Variants in MACROD2 observed in about 807,000 individuals in gnomAD.
The protein encoded by MACROD2 is ADP-ribose glycohydrolase MACROD2.
A neutral mutation model predicts 70.4 loss-of-function variants in MACROD2; 36 were observed. That is an observed-to-expected ratio of 0.51 (90% CI 0.39 to 0.68). The LOEUF is 0.68. Among genes scored for constraint, MACROD2 ranks in the 30% least tolerant of loss-of-function variants. The pLI is 0.00. For synonymous variants in MACROD2, 172 were observed against 178.8 expected (o/e 0.96, Z 0.30); for missense variants, 496 against 538.4 (o/e 0.92, Z 0.78).
intron 8 of MACROD2, among the ~76,000 whole-genome samples, chr20:15,527,280 T>G (rs2047734838): frequency 6.6e-6 from 1 of 152,218 alleles, no homozygotes; most frequent in Non-Finnish European, 1.5e-5. Context: ...TACTCATTTT[T>G]TCTACAATAA....
chr20:15,342,696 A>G (rs2078123449), intron 6 of MACROD2, among the ~76,000 whole-genome samples: 2 of 152,208 alleles, frequency 1.3e-5, no homozygotes, highest in Admixed American at 6.5e-5. Context: ...ACTGTAATAT[A>G]GTAAAAATGT....
At chr20:15,652,726 C>T (rs2049664193) in intron 8 of MACROD2, among the ~76,000 whole-genome samples, 1 of 146,512 alleles carries the variant, frequency 6.8e-6, no homozygotes, top group East Asian at 2.0e-4. Context: ...TTTCCTAGCT[C>T]TTTTTTTTTT....
intron 8 of MACROD2, among the ~76,000 whole-genome samples, chr20:15,580,169 A>G (rs1009616604): frequency 6.6e-6 from 1 of 152,216 alleles, no homozygotes; most frequent in Non-Finnish European, 1.5e-5. Flanking sequence ...AATCTTGAAA[A>G]TAGATAAAGT....
intron 10 of MACROD2, chr20:15,893,059 C>G (rs1037489125): frequency 1.3e-5 from 5 of 398,772 alleles, no homozygotes; most frequent in Non-Finnish European, 2.2e-5. Flanking sequence ...TGAAAAGAAA[C>G]ATATTTAATT....
At chr20:14,297,902 G>A (rs2082440590) in intron 3 of MACROD2, among the ~76,000 whole-genome samples, 1 of 151,882 alleles carries the variant, frequency 6.6e-6, no homozygotes, top group Non-Finnish European at 1.5e-5. Context: ...TGACTTTCTT[G>A]TTAGGGGCTA....
chr20:14,699,486 T>A (rs1185068094), intron 5 of MACROD2, among the ~76,000 whole-genome samples: 1 of 152,186 alleles, frequency 6.6e-6, no homozygotes. Flanking sequence ...TATTATTTTG[T>A]GTCAGAGCAA....
chr20:15,021,090 GTGTA>G (rs1334613966), intron 5 of MACROD2, among the ~76,000 whole-genome samples: 2 of 122,830 alleles, frequency 1.6e-5, no homozygotes, highest in South Asian at 2.4e-4. Context: ...GTGTATACAC[GTGTA>G]TGTGTATACA....
chr20:15,497,700 A>G (rs1381069437), intron 7 of MACROD2, among the ~76,000 whole-genome samples: 1 of 152,146 alleles, frequency 6.6e-6, no homozygotes, highest in Non-Finnish European at 1.5e-5. Context: ...CTTATTTCTG[A>G]GAATAATGTC....
At chr20:14,535,631 G>C (rs2085355330) in intron 4 of MACROD2, among the ~76,000 whole-genome samples, 1 of 151,944 alleles carries the variant, frequency 6.6e-6, no homozygotes, top group Non-Finnish European at 1.5e-5. Context: ...AAAGTCTTGA[G>C]TATATAGTGA....
chr20:15,376,750 A>T (rs1568759958), intron 6 of MACROD2, among the ~76,000 whole-genome samples: 2 of 152,214 alleles, frequency 1.3e-5, no homozygotes, highest in East Asian at 3.8e-4. Context: ...TAAACTAGAG[A>T]AATGAATTAG....
chr20:15,481,685 T>TA (rs571250513), intron 7 of MACROD2, among the ~76,000 whole-genome samples: 2,907 of 144,878 alleles, frequency 0.02, 90 homozygotes, highest in African/African-American at 0.063. Flanking sequence ...AAATAAACAT[T>TA]AAAAAAAAAA....
At chr20:15,882,123 C>T (rs1568615906) in intron 9 of MACROD2, among the ~76,000 whole-genome samples, 1 of 152,048 alleles carries the variant, frequency 6.6e-6, no homozygotes, top group African/African-American at 2.4e-5. Context: ...CCCCTTTGCC[C>T]TCTGAAAGTT....
chr20:15,196,303 TATAAC>T (rs1475925929), intron 5 of MACROD2, among the ~76,000 whole-genome samples: 4 of 150,934 alleles, frequency 2.7e-5, no homozygotes, highest in South Asian at 4.2e-4. Context: ...AAACTAAAAA[TATAAC>T]ATACAAATAT....
At chr20:15,511,706 G>A (rs2047502481) in intron 8 of MACROD2, among the ~76,000 whole-genome samples, 2 of 152,116 alleles carry the variant, frequency 1.3e-5, no homozygotes, top group African/African-American at 2.4e-5. Flanking sequence ...TAGGCTGGGC[G>A]GCTTCTTCTG....
intron 15 of MACROD2, among the ~76,000 whole-genome samples, chr20:16,007,616 A>C (rs1002843901): frequency 3.3e-5 from 5 of 152,222 alleles, no homozygotes; most frequent in Non-Finnish European, 5.9e-5. Flanking sequence ...TAATATTTAA[A>C]AATTTTTTCA....
At chr20:14,163,575 A>G (rs924536535) in intron 3 of MACROD2, among the ~76,000 whole-genome samples, 5 of 152,096 alleles carry the variant, frequency 3.3e-5, no homozygotes, top group African/African-American at 7.2e-5. Context: ...ATCTTCTGGA[A>G]CACCAAAAAT....
chr20:16,045,650 T>A (rs556285930), intron 17 of MACROD2, among the ~76,000 whole-genome samples: 1 of 152,182 alleles, frequency 6.6e-6, no homozygotes, highest in South Asian at 2.1e-4. Context: ...TTTAACATAA[T>A]GTTGTTACTT....
At chr20:15,188,510 T>C (rs559807122) in intron 5 of MACROD2, among the ~76,000 whole-genome samples, 1 of 152,332 alleles carries the variant, frequency 6.6e-6, no homozygotes, top group Admixed American at 6.5e-5. Flanking sequence ...AGCCAGACTA[T>C]TTAGTGGATT....
At chr20:14,416,476 A>G (rs1177935634) in intron 3 of MACROD2, among the ~76,000 whole-genome samples, 2 of 152,174 alleles carry the variant, frequency 1.3e-5, no homozygotes, top group Non-Finnish European at 2.9e-5. Context: ...ACTTATTATC[A>G]TGTATGCGAT....
Sources: allele counts gnomAD v4.1 joint callset (sites outside exome capture counted in the v4.1 genomes callset), GRCh38; gene constraint gnomAD v4.1.1; transcripts MANE v1.5; gene names NCBI Gene and HGNC (gene_info 2026-07-23, HGNC 2026-07-21).